The following PEX5L variants were observed in gnomAD, a reference collection of about 807,000 sequenced individuals.
The protein encoded by PEX5L is peroxisomal biogenesis factor 5 like.
In PEX5L, 30 loss-of-function variants were observed where a neutral mutation model predicts 84.0. That is an observed-to-expected ratio of 0.36 (90% CI 0.27 to 0.48). PEX5L has a LOEUF of 0.48. Ranked by LOEUF, PEX5L falls within the 20% of genes least tolerant of loss-of-function variation. The pLI, the probability that PEX5L is intolerant of heterozygous loss-of-function variation, is 0.99. For missense variants in PEX5L, 533 were observed against 754.6 expected, an observed-to-expected ratio of 0.71 and a Z score of 3.44; for synonymous variants, 270 against 283.1, an observed-to-expected ratio of 0.95 and a Z score of 0.46.
intron 2 of PEX5L, among the ~76,000 whole-genome samples, chr3:179,966,363 T>C (rs1318971350): frequency 6.6e-6 from 1 of 152,178 alleles, no homozygotes; most frequent in Non-Finnish European, 1.5e-5. Flanking sequence ...GGTATCATAC[T>C]TTGTAAGTGT....
intron 10 of PEX5L, among the ~76,000 whole-genome samples, chr3:179,813,153 A>G (rs1371143112): frequency 1.3e-5 from 2 of 152,178 alleles, no homozygotes; most frequent in Non-Finnish European, 2.9e-5. Flanking sequence ...GATTGATGAA[A>G]TAGTCTTTCT....
At chr3:179,834,360 T>C (rs1177767575) in intron 8 of PEX5L, among the ~76,000 whole-genome samples, 2 of 152,192 alleles carry the variant, frequency 1.3e-5, no homozygotes, top group Non-Finnish European at 2.9e-5. Context: ...GAAACTGCAG[T>C]TGGATATTCC....
intron 1 of PEX5L, among the ~76,000 whole-genome samples, chr3:179,984,681 TC>T (rs774157550): frequency 0.016 from 2,508 of 152,292 alleles, 38 homozygotes; most frequent in Non-Finnish European, 0.026. Flanking sequence ...AATTATAAAG[TC>T]AATTTGTCTT....
At chr3:179,977,720 T>C (rs1785943484) in intron 1 of PEX5L, among the ~76,000 whole-genome samples, 1 of 152,194 alleles carries the variant, frequency 6.6e-6, no homozygotes, top group Non-Finnish European at 1.5e-5. Context: ...AATTTTCAGA[T>C]GTTTAATTTT....
At chr3:179,802,565 G>GAA (rs1451330740) in intron 14 of PEX5L, among the ~76,000 whole-genome samples, 2 of 137,932 alleles carry the variant, frequency 1.4e-5, no homozygotes, top group African/African-American at 2.9e-5. Context: ...GAAAAGAAAA[G>GAA]AAAAGAAAAT....
intron 8 of PEX5L, among the ~76,000 whole-genome samples, chr3:179,841,280 A>G (rs1405303772): frequency 6.6e-6 from 1 of 151,784 alleles, no homozygotes; most frequent in Non-Finnish European, 1.5e-5. Flanking sequence ...GCCTCTGTAC[A>G]TTTGCATGTA....
intron 1 of PEX5L, among the ~76,000 whole-genome samples, chr3:180,017,565 C>T (rs1331542975): frequency 1.3e-5 from 2 of 152,044 alleles, no homozygotes; most frequent in Admixed American, 1.3e-4. Context: ...TGAGTGTGTA[C>T]TTCTGTCACT....
intron 2 of PEX5L, among the ~76,000 whole-genome samples, chr3:179,916,068 A>G (rs1316407681): frequency 6.6e-6 from 1 of 152,248 alleles, no homozygotes; most frequent in African/African-American, 2.4e-5. Flanking sequence ...TAATGGTAGT[A>G]GTAATAATAA....
At chr3:179,972,175 T>A (rs1190744165) in intron 1 of PEX5L, among the ~76,000 whole-genome samples, 1 of 152,180 alleles carries the variant, frequency 6.6e-6, no homozygotes. Flanking sequence ...ATACTGACAT[T>A]GGAAAAACCA....
At chr3:179,802,837 G>A (rs576125836) in intron 14 of PEX5L, among the ~76,000 whole-genome samples, 1 of 149,306 alleles carries the variant, frequency 6.7e-6, no homozygotes, top group Non-Finnish European at 1.5e-5. Flanking sequence ...TTGAATCCCA[G>A]TTATTTAGCA....
intron 3 of PEX5L, among the ~76,000 whole-genome samples, chr3:179,893,856 A>C (rs1758356421): frequency 6.6e-6 from 1 of 152,102 alleles, no homozygotes; most frequent in Admixed American, 6.6e-5. Context: ...ATAATAGAAA[A>C]ATTTTAGAAT....
chr3:179,901,895 T>C (rs1020235308), intron 2 of PEX5L: 7 of 152,204 alleles, frequency 4.6e-5, no homozygotes, highest in East Asian at 1.9e-4. Context: ...AACCAAGTCA[T>C]GATCCACTTA....
intron 1 of PEX5L, among the ~76,000 whole-genome samples, chr3:180,027,544 C>A (rs946066617): frequency 1.3e-5 from 2 of 151,974 alleles, no homozygotes; most frequent in East Asian, 1.9e-4. Flanking sequence ...ATTAAATATA[C>A]ACACCATGCT....
intron 1 of PEX5L, among the ~76,000 whole-genome samples, chr3:179,987,100 A>G (rs1786923800): frequency 6.6e-6 from 1 of 152,170 alleles, no homozygotes; most frequent in African/African-American, 2.4e-5. Context: ...TCATTTGGGA[A>G]TAATAACAAA....
At chr3:179,981,816 C>A (rs199752712) in intron 1 of PEX5L, among the ~76,000 whole-genome samples, 2 of 144,770 alleles carry the variant, frequency 1.4e-5, no homozygotes, top group South Asian at 4.4e-4. Flanking sequence ...AAAAAAAAAA[C>A]AAAGGGAGTC....
intron 5 of PEX5L, among the ~76,000 whole-genome samples, chr3:179,878,717 C>A (rs921041194): frequency 2.0e-5 from 3 of 152,210 alleles, no homozygotes; most frequent in South Asian, 4.1e-4. Flanking sequence ...TCACATAGTA[C>A]CTCTTGTAAG....
intron 1 of PEX5L, among the ~76,000 whole-genome samples, chr3:179,985,661 C>T (rs1018950998): frequency 3.3e-5 from 5 of 152,046 alleles, no homozygotes; most frequent in African/African-American, 1.2e-4. Flanking sequence ...TAGCTTAAAA[C>T]CCCCTTTTCC....
intron 2 of PEX5L, among the ~76,000 whole-genome samples, chr3:179,971,287 T>G (rs747423815): frequency 4.6e-5 from 7 of 152,162 alleles, no homozygotes; most frequent in Non-Finnish European, 1.0e-4. Context: ...CTTGTTTATC[T>G]TTTTCCCAGA....
chr3:179,850,249 C>T (rs557471957), intron 8 of PEX5L, among the ~76,000 whole-genome samples: 38 of 152,090 alleles, frequency 2.5e-4, no homozygotes, highest in Admixed American at 5.2e-4. Context: ...AACTCAGCCT[C>T]CCAGGTAGCT....
Sources: allele counts gnomAD v4.1 joint callset (sites outside exome capture counted in the v4.1 genomes callset), GRCh38; gene constraint gnomAD v4.1.1; transcripts MANE v1.5; gene names NCBI Gene and HGNC (gene_info 2026-07-23, HGNC 2026-07-21).